BCAP29: variants seen among roughly 807,000 people sequenced by gnomAD.
BCAP29 encodes the protein B-cell receptor-associated protein 29.
A neutral mutation model predicts 31.8 loss-of-function variants in BCAP29; 34 were observed. That is an observed-to-expected ratio of 1.07 (90% CI 0.81 to 1.42). BCAP29 has a LOEUF of 1.42. BCAP29 is among the 40% of genes most tolerant of loss of function. The pLI is 0.00. For synonymous variants in BCAP29, 104 were observed against 91.3 expected (o/e 1.14, Z -0.79); for missense variants, 314 against 269.2 (o/e 1.17, Z -1.16).
chr7:107,580,603 C>A (rs1806436640), intron 1 of BCAP29, 156 bp from the exon 2 acceptor site: 1 of 562,582 alleles, frequency 1.8e-6, no homozygotes, highest in Non-Finnish European at 3.1e-6. Context: ...TCCCGGGCCA[C>A]CCTTTTCCCC....
At chr7:107,623,163 A>AT (rs1815109508), downstream of BCAP29, 1 of 152,168 alleles carries the variant, frequency 6.6e-6, no homozygotes, top group African/African-American at 2.4e-5. Flanking sequence ...CCTGTCCTGA[A>AT]TTGCTGTGAA....
chr7:107,612,432 TA>T (rs375495803), intron 6 of BCAP29, among the ~76,000 whole-genome samples: 490 of 47,330 alleles, frequency 0.01, 31 homozygotes, highest in African/African-American at 0.017. Flanking sequence ...TATATATATA[TA>T]TATATATTTA....
intron 6 of BCAP29, among the ~76,000 whole-genome samples, chr7:107,602,654 T>G (rs1424688942): frequency 6.6e-6 from 1 of 152,116 alleles, no homozygotes; most frequent in Non-Finnish European, 1.5e-5. Context: ...TTCTCCCAAG[T>G]GTATTATTGG....
rs758990917 is a variant in BCAP29 at position 107,580,882 on chromosome 7, C to A, written c.92+18C>A. On this transcript the variant is annotated intron_variant, in intron 2 of 7. Coordinates refer to ENST00000005259, the MANE Select transcript of BCAP29 (RefSeq NM_018844.4). ...CCTCAGAGGTAGGAAACCTTCAAAT[C>A]GTTAACTAATAAATATTGGATCGCT... 29 of 1,526,570 alleles carry A rather than the reference C, an allele frequency of 1.9e-5. No individual in the cohort carries two copies. Among genetic ancestry groups the A allele is most frequent in the African/African-American group, 1.4e-5 (1 of 70,358 alleles). The allele number at this position is 1,526,570 out of a possible 1,614,324, so 94.6% of individuals were successfully genotyped here.
intron 6 of BCAP29, among the ~76,000 whole-genome samples, chr7:107,604,014 A>G (rs978366283): frequency 1.2e-4 from 19 of 152,210 alleles, no homozygotes; most frequent in Admixed American, 4.6e-4. Flanking sequence ...GGATAAAGCA[A>G]ACTTTAAATA....
intron 6 of BCAP29, chr7:107,603,509 G>T (rs1191336135): frequency 1.3e-5 from 2 of 151,852 alleles, no homozygotes; most frequent in East Asian, 3.9e-4. Context: ...TCTACATAAA[G>T]GAAAAGAGAA....
chr7:107,589,172 C>T (rs576726571), intron 3 of BCAP29, among the ~76,000 whole-genome samples: 1,585 of 152,292 alleles, frequency 0.01, 17 homozygotes, highest in African/African-American at 0.036. Flanking sequence ...AGTCCCCACC[C>T]TTTTTGGCAC....
chr7:107,601,849 T>C (rs1389890615), intron 6 of BCAP29, among the ~76,000 whole-genome samples: 2 of 152,198 alleles, frequency 1.3e-5, no homozygotes, highest in African/African-American at 4.8e-5. Flanking sequence ...TCTTTTCTTA[T>C]GTTGTAAGCA....
chr7:107,617,608 G>GT (rs1471404580), intron 7 of BCAP29, among the ~76,000 whole-genome samples: 1 of 152,130 alleles, frequency 6.6e-6, no homozygotes, highest in Non-Finnish European at 1.5e-5. Context: ...TTAAAGCTTT[G>GT]TTTTTTATCA....
chr7:107,603,500 C>T (rs1251068583), intron 6 of BCAP29: 1 of 151,610 alleles, frequency 6.6e-6, no homozygotes, highest in Non-Finnish European at 1.5e-5. Flanking sequence ...TATATGTCTT[C>T]TACATAAAGG....
rs377691627 is a variant in BCAP29 at position 107,580,813 on chromosome 7, C to T, written c.41C>T (p.Ala14Val). 8.2e-6 allele frequency: 13 copies of T among 1,592,378 alleles called. No individual in the cohort carries two copies. Among genetic ancestry groups the T allele is most frequent in the Admixed American group, 1.8e-5 (1 of 56,186 alleles). The change falls in exon 2 of 8, where the codon GCC becomes GTC. Residue 14 changes from alanine (A) to valine (V), a missense_variant. Transcript: ENST00000005259. Reference protein sequence around the residue: ...QWAAVATFLYAEIGLILIFCL... With the variant: ...QWAAVATFLYVEIGLILIFCL... The stretch of plus-strand genomic sequence containing the variant: ...GCTGCAGTGGCAACCTTTCTTTATG[C>T]CGAAATAGGACTCATTTTAATCTTC...
chr7:107,611,963 C>T (rs1027573560), intron 6 of BCAP29, among the ~76,000 whole-genome samples: 4 of 152,070 alleles, frequency 2.6e-5, no homozygotes, highest in Admixed American at 6.5e-5. Context: ...GTATTGACAA[C>T]GCAGATGTAG....
chr7:107,581,179 T>C lies in BCAP29; in HGVS notation c.92+315T>C, dbSNP rs548299450. Reference sequence around the variant, plus strand: ...CTTGTCTCAGGTTTTACCTTTGTTTTATTGCCCTGAATTGGAGCCATGAAC... The same window carrying C: ...CTTGTCTCAGGTTTTACCTTTGTTTCATTGCCCTGAATTGGAGCCATGAAC... On this transcript the variant is annotated intron_variant, in intron 2 of 7. Coordinates refer to ENST00000005259, the MANE Select transcript of BCAP29 (RefSeq NM_018844.4). 8.9e-4 allele frequency among the ~76,000 whole-genome samples: 135 copies of C among 152,356 alleles called. 4 individuals carry two copies. The South Asian group carries it at 0.028, about 32-fold the overall frequency.
At position 107,595,892 on chromosome 7, in the gene BCAP29, A is replaced by T; in HGVS notation, c.370A>T (p.Ile124Phe). The T allele has an allele frequency of 6.2e-7, 1 of 1,603,680 alleles. No individual in the cohort carries two copies. Among genetic ancestry groups the T allele is most frequent in the African/African-American group, 1.3e-5 (1 of 74,360 alleles). Residue 124 changes from isoleucine to phenylalanine, a missense_variant, in exon 5 of 8, where the codon ATT becomes TTT. Ile to Phe is a conservative substitution (Grantham distance 21). Transcript: ENST00000005259. ...WLVLRRLVTL[I>F]TQLAKELSNK... ...AGTTTTGAGACGTCTGGTTACGCTTATTACTCAACTGGCAAAAGAACTGTC... is the reference window on the plus strand; with the variant it reads ...AGTTTTGAGACGTCTGGTTACGCTTTTTACTCAACTGGCAAAAGAACTGTC...
intron 7 of BCAP29, chr7:107,613,851 C>T (rs1813670620): frequency 2.9e-6 from 2 of 687,958 alleles, no homozygotes; most frequent in African/African-American, 3.7e-5. Flanking sequence ...AAGACTTTAG[C>T]ATTCAAATTT....
At chr7:107,590,895 G>T (rs1329152614) in intron 3 of BCAP29, among the ~76,000 whole-genome samples, 3 of 151,688 alleles carry the variant, frequency 2.0e-5, no homozygotes, top group East Asian at 3.9e-4. Flanking sequence ...TTATGTCAAA[G>T]AAATTAATAT....
chr7:107,586,878 C>T (rs1316227206), intron 3 of BCAP29, among the ~76,000 whole-genome samples: 1 of 151,850 alleles, frequency 6.6e-6, no homozygotes, highest in African/African-American at 2.4e-5. Context: ...CAGGCGAGAG[C>T]CACCAACCCC....
chr7:107,603,248 G>A (rs1188474629), intron 6 of BCAP29: 1 of 152,116 alleles, frequency 6.6e-6, no homozygotes, highest in Non-Finnish European at 1.5e-5. Flanking sequence ...GGGATTACAG[G>A]TGTGAGCTAC....
chr7:107,583,964 T>C lies in BCAP29; in HGVS notation c.175T>C (p.Leu59=). The C allele has an allele frequency of 6.4e-7, 1 of 1,569,364 alleles. No individual in the cohort carries two copies. The highest frequency in any genetic ancestry group is 8.7e-7 in the Non-Finnish European group (1 of 1,153,456). The change falls in exon 3 of 8, where the codon TTG becomes CTG. Residue 59 remains leucine (L), a synonymous_variant. Coordinates refer to ENST00000005259, the MANE Select transcript of BCAP29 (RefSeq NM_018844.4). Reference sequence around the variant, plus strand: ...GGCTTTCCTTACCATTATCATCCTATTGATTGTTCTATTTCTAGGTAAGTA... The same window carrying C: ...GGCTTTCCTTACCATTATCATCCTACTGATTGTTCTATTTCTAGGTAAGTA... ...NKAFLTIIIL[L]IVLFLDAVRE...
Sources: allele counts gnomAD v4.1 joint callset (sites outside exome capture counted in the v4.1 genomes callset), GRCh38; gene constraint gnomAD v4.1.1; transcripts MANE v1.5; gene names NCBI Gene and HGNC (gene_info 2026-07-23, HGNC 2026-07-21).